Variants in PPP3CC observed in about 807,000 individuals in gnomAD.
The protein encoded by PPP3CC is protein phosphatase 3 catalytic subunit gamma.
PPP3CC carries 35 observed loss-of-function variants against 60.3 expected under a neutral mutation model. The ratio of observed to expected loss-of-function variants is 0.58; its 90% CI spans 0.44 to 0.77. The LOEUF (loss-of-function observed/expected upper bound fraction) is 0.77. Ranked by LOEUF, PPP3CC falls within the 30% of genes least tolerant of loss-of-function variation. The pLI is 0.00. For synonymous variants in PPP3CC, 206 were observed against 224.3 expected, an observed-to-expected ratio of 0.92 and a Z score of 0.73; for missense variants, 570 against 628.9, an observed-to-expected ratio of 0.91 and a Z score of 1.00.
chr8:22,475,356 G>A (rs1471719078), intron 2 of PPP3CC, 144 bp from the exon 3 acceptor site: 27 of 1,024,756 alleles, frequency 2.6e-5, no homozygotes, highest in South Asian at 2.6e-4. Flanking sequence ...TATTTAGTAT[G>A]AGTAGATTGA....
In PPP3CC at chr8:22,494,008, G is replaced by C. The variant is rs984142760; in HGVS notation, c.373-3993G>C. Among the ~76,000 whole-genome samples, 22 of 152,190 alleles carry C rather than the reference G, an allele frequency of 1.4e-4. No individual in the cohort carries two copies. The South Asian group carries it at 4.6e-3, about 32-fold the overall frequency. ...AGACATTATGATGGCTACATCACTA[G>C]GGTGTAGGAATTTTTCAGTTCATTT... On this transcript the variant is annotated intron_variant, in intron 3 of 13. Transcript: ENST00000240139.
At chr8:22,515,575 C>T (rs918350857) in intron 6 of PPP3CC, among the ~76,000 whole-genome samples, 1 of 152,188 alleles carries the variant, frequency 6.6e-6, no homozygotes, top group African/African-American at 2.4e-5. Flanking sequence ...GTGTACTAAA[C>T]ATTCCCACCA....
At chr8:22,484,230 A>G (rs1296409897) in intron 3 of PPP3CC, among the ~76,000 whole-genome samples, 1 of 152,142 alleles carries the variant, frequency 6.6e-6, no homozygotes, top group Non-Finnish European at 1.5e-5. Flanking sequence ...GTTAATTACT[A>G]CATATTTTAT....
intron 1 of PPP3CC, 73 bp from the exon 2 acceptor site, chr8:22,474,881 T>C: frequency 5.8e-6 from 6 of 1,033,972 alleles, no homozygotes; most frequent in South Asian, 2.6e-5. Flanking sequence ...TAATTTGTCA[T>C]GTAAAAGAAT....
At chr8:22,486,753 G>A (rs1440426268) in intron 3 of PPP3CC, among the ~76,000 whole-genome samples, 2 of 146,770 alleles carry the variant, frequency 1.4e-5, no homozygotes, top group African/African-American at 5.0e-5. Flanking sequence ...TTTTTGGGAC[G>A]GAGTCTCACT....
chr8:22,498,378 AG>A (rs1203677464), intron 4 of PPP3CC, among the ~76,000 whole-genome samples: 1 of 152,206 alleles, frequency 6.6e-6, no homozygotes, highest in African/African-American at 2.4e-5. Flanking sequence ...GTCCATAATC[AG>A]GTTGCAGTGA....
At chr8:22,449,241 G>A (rs1014070651) in intron 1 of PPP3CC, among the ~76,000 whole-genome samples, 6 of 152,010 alleles carry the variant, frequency 3.9e-5, no homozygotes, top group Non-Finnish European at 7.4e-5. Flanking sequence ...TTGAGCTCAG[G>A]AATTCGAGAC....
chr8:22,477,545 G>C (rs1837930011), intron 3 of PPP3CC, among the ~76,000 whole-genome samples: 1 of 151,844 alleles, frequency 6.6e-6, no homozygotes, highest in South Asian at 2.1e-4. Context: ...TTATTTCTTT[G>C]TGTTTTTGCT....
chr8:22,441,303 C>A lies in PPP3CC; in HGVS notation c.-107C>A. 1 of 1,160,232 alleles carries A rather than the reference C, an allele frequency of 8.6e-7. No homozygotes were observed. Among genetic ancestry groups the A allele is most frequent in the African/African-American group, 1.7e-5 (1 of 60,382 alleles). The allele number at this position is 1,160,232 out of a possible 1,614,324, so 71.9% of individuals were successfully genotyped here. A position where few individuals can be genotyped will look rare whatever the true frequency, so the allele number is the denominator to read the frequency against. On this transcript the variant is annotated 5_prime_UTR_variant, in exon 1 of 14. The change creates a new upstream start codon in the 5' untranslated region. Coordinates refer to ENST00000240139, the MANE Select transcript of PPP3CC (RefSeq NM_005605.5). Reference sequence around the variant, plus strand: ...GCTGAGGAGCCGGGGCCGGGCACGGCTGGCTGACGGCTCCGGGCAGCTAAG... The same window carrying A: ...GCTGAGGAGCCGGGGCCGGGCACGGATGGCTGACGGCTCCGGGCAGCTAAG...
At chr8:22,448,233 C>G (rs566018487) in intron 1 of PPP3CC, among the ~76,000 whole-genome samples, 2 of 151,924 alleles carry the variant, frequency 1.3e-5, no homozygotes, top group South Asian at 2.1e-4. Flanking sequence ...GAAGACTGTT[C>G]TAGATGAAAG....
At chr8:22,514,412 A>G (rs771610211) in intron 6 of PPP3CC, among the ~76,000 whole-genome samples, 6 of 152,098 alleles carry the variant, frequency 3.9e-5, no homozygotes, top group Non-Finnish European at 7.4e-5. Context: ...ACACATGCAC[A>G]CACACATGAA....
In PPP3CC at chr8:22,441,400, C is replaced by T. The variant is rs770704973; in HGVS notation, c.-10C>T. On this transcript the variant is annotated 5_prime_UTR_variant, in exon 1 of 14. Coordinates refer to ENST00000240139, the MANE Select transcript of PPP3CC (RefSeq NM_005605.5). ...CGGGCTCCTGGAGCCTGGAGGAGGC[C>T]GAGGGGACCATGTCCGGGAGGCGCT... is the stretch of plus-strand genomic sequence containing the variant. 6 of 1,539,782 alleles carry T rather than the reference C, an allele frequency of 3.9e-6. No homozygotes were observed. The highest frequency in any genetic ancestry group is 4.4e-6 in the Non-Finnish European group (5 of 1,143,620).
chr8:22,530,319 ATGG>A (rs1839670706), intron 10 of PPP3CC, among the ~76,000 whole-genome samples: 1 of 151,406 alleles, frequency 6.6e-6, no homozygotes, highest in Non-Finnish European at 1.5e-5. Context: ...ACCAGATGTG[ATGG>A]CGAGTGCTTC....
intron 1 of PPP3CC, among the ~76,000 whole-genome samples, chr8:22,462,510 G>A (rs1210709261): frequency 1.3e-5 from 2 of 152,060 alleles, no homozygotes; most frequent in African/African-American, 2.4e-5. Context: ...TGTTTATAAA[G>A]CTTTGATGGT....
chr8:22,490,700 G>A (rs1007343658), intron 3 of PPP3CC, among the ~76,000 whole-genome samples: 2 of 149,990 alleles, frequency 1.3e-5, no homozygotes, highest in Non-Finnish European at 2.9e-5. Flanking sequence ...AGAACATGCG[G>A]TGGTTGGTTT....
chr8:22,492,336 T>G (rs1238409682), intron 3 of PPP3CC, among the ~76,000 whole-genome samples: 1 of 152,082 alleles, frequency 6.6e-6, no homozygotes, highest in Non-Finnish European at 1.5e-5. Flanking sequence ...AATCAGTGAA[T>G]GATGAGTGAA....
chr8:22,539,710 T>G (rs1839918262), intron 13 of PPP3CC, among the ~76,000 whole-genome samples: 1 of 152,072 alleles, frequency 6.6e-6, no homozygotes, highest in Non-Finnish European at 1.5e-5. Context: ...ACAGCTACAG[T>G]TTTTTTTCTG....
chr8:22,499,507 A>C (rs1838701753), intron 4 of PPP3CC, among the ~76,000 whole-genome samples: 1 of 152,362 alleles, frequency 6.6e-6, no homozygotes, highest in East Asian at 1.9e-4. Flanking sequence ...AAAAACAGAT[A>C]ACATGGTGGG....
chr8:22,469,999 CAT>C (rs1261801975), intron 1 of PPP3CC, among the ~76,000 whole-genome samples: 2 of 147,196 alleles, frequency 1.4e-5, no homozygotes. Flanking sequence ...ATAAATGATC[CAT>C]GTATATATAT....
Sources: allele counts gnomAD v4.1 joint callset (sites outside exome capture counted in the v4.1 genomes callset), GRCh38; gene constraint gnomAD v4.1.1; transcripts MANE v1.5; gene names NCBI Gene and HGNC (gene_info 2026-07-23, HGNC 2026-07-21).